Variants in ADAM22 observed in about 807,000 individuals in gnomAD.
ADAM22 encodes ADAM metallopeptidase domain 22.
Under a neutral mutation model 144.6 loss-of-function variants are expected in ADAM22, and 65 were observed. That is an observed-to-expected ratio of 0.45 (90% CI 0.37 to 0.55). ADAM22 has a LOEUF of 0.55. Ranked by LOEUF, ADAM22 falls within the 20% of genes least tolerant of loss-of-function variation. The pLI is 0.00. For missense variants in ADAM22, 974 were observed against 1,184.9 expected (o/e 0.82, Z 2.61); for synonymous variants, 391 against 412.6 (o/e 0.95, Z 0.63).
At chr7:88,145,083 G>A in intron 15 of ADAM22, 42 bp from the exon 16 acceptor site, 1 of 1,585,842 alleles carries the variant, frequency 6.3e-7, no homozygotes, top group Non-Finnish European at 8.6e-7. Flanking sequence ...CTTTGATGTT[G>A]ATTTTTCTAT....
chr7:88,023,168 T>C (rs1798196983), intron 3 of ADAM22, among the ~76,000 whole-genome samples: 1 of 152,234 alleles, frequency 6.6e-6, no homozygotes. Context: ...TTAGATGGAT[T>C]ATATTCAGAA....
Position 88,153,325 on chromosome 7 carries a change from C to G in ADAM22, c.1786C>G (p.Arg596Gly). The G allele has an allele frequency of 6.2e-7, 1 of 1,610,724 alleles. No individual in the cohort carries two copies. Among genetic ancestry groups the G allele is most frequent in the Non-Finnish European group, 8.5e-7 (1 of 1,177,994 alleles). ...DKDTWIQCNK[R>G]DVLCGYLLCT... Reference sequence around the variant, plus strand: ...AGACACATGGATACAGTGCAACAAACGGTGAGGTGGAGACGTCAGCCCAGA... The same window carrying G: ...AGACACATGGATACAGTGCAACAAAGGGTGAGGTGGAGACGTCAGCCCAGA... Residue 596 changes from arginine (R) to glycine (G), a missense_variant and splice_region_variant, in exon 21 of 32, where the codon CGG becomes GGG. This residue lies in a region of ADAM22 where 734 missense variants were observed against 950.6 expected (regional missense o/e 0.77). Transcript: ENST00000413139.
intron 15 of ADAM22, among the ~76,000 whole-genome samples, chr7:88,144,023 A>C (rs891708680): frequency 1.3e-5 from 2 of 152,234 alleles, no homozygotes; most frequent in Non-Finnish European, 2.9e-5. Flanking sequence ...TATCATTTGG[A>C]TAAGTTTCCA....
chr7:88,146,877 T>G lies in ADAM22; in HGVS notation c.1485+1370T>G, dbSNP rs558964741. ...ACGAGCAGGCACTGGCAGAGATCTC[T>G]GAAAGCACTCTGTTAAAAAGAAGAT... On this transcript the variant is annotated intron_variant, in intron 17 of 31. Transcript: ENST00000413139. Among the ~76,000 whole-genome samples the G allele has an allele frequency of 1.6e-4, 25 of 152,308 alleles. 1 individual carries two copies. The highest frequency in any genetic ancestry group is 1.3e-3 in the Admixed American group (20 of 15,298).
At chr7:88,056,049 A>G (rs528658036) in intron 3 of ADAM22, among the ~76,000 whole-genome samples, 10 of 152,224 alleles carry the variant, frequency 6.6e-5, no homozygotes, top group Non-Finnish European at 1.5e-4. Flanking sequence ...TTTGGGAAAT[A>G]TTCTGTTAGT....
intron 3 of ADAM22, among the ~76,000 whole-genome samples, chr7:88,044,367 A>G (rs955617890): frequency 6.6e-6 from 1 of 152,202 alleles, no homozygotes; most frequent in Non-Finnish European, 1.5e-5. Context: ...CATAATGATA[A>G]CATGCAGATG....
intron 3 of ADAM22, among the ~76,000 whole-genome samples, chr7:87,999,799 G>A (rs761487452): frequency 1.3e-5 from 2 of 151,770 alleles, no homozygotes; most frequent in East Asian, 1.9e-4. Context: ...TTTTATCCTT[G>A]GATAAATTCT....
intron 7 of ADAM22, among the ~76,000 whole-genome samples, chr7:88,118,473 A>C (rs13245213): frequency 0.56 from 85,642 of 151,744 alleles, 25,195 homozygotes; most frequent in East Asian, 0.9. Flanking sequence ...AAACTTTTTA[A>C]AATCCCTATT....
chr7:88,113,246 T>G (rs950633944), intron 5 of ADAM22, among the ~76,000 whole-genome samples: 1 of 151,532 alleles, frequency 6.6e-6, no homozygotes, highest in Non-Finnish European at 1.5e-5. Flanking sequence ...CACTAACTCT[T>G]CTCTGTTTTA....
intron 22 of ADAM22, among the ~76,000 whole-genome samples, chr7:88,160,735 A>G (rs1049425935): frequency 6.6e-6 from 1 of 152,170 alleles, no homozygotes; most frequent in African/African-American, 2.4e-5. Context: ...TCAATGATAG[A>G]CTGGATTAAG....
rs561125761 is a variant in ADAM22 at position 88,048,167 on chromosome 7, A to T, written c.324-27459A>T. On this transcript the variant is annotated intron_variant, in intron 3 of 31. Coordinates refer to ENST00000413139, the MANE Select transcript of ADAM22 (RefSeq NM_001324418.2). The stretch of plus-strand genomic sequence containing the variant: ...CTACTTTTTTCACTGTTTATTTTAT[A>T]AAAATTTTTACGTTTCATAAGTAGA... Among the ~76,000 whole-genome samples, 5 of 152,266 alleles carry T rather than the reference A, an allele frequency of 3.3e-5. No individual in the cohort carries two copies. In the East Asian group the frequency reaches 9.6e-4, roughly 29 times the overall value.
At chr7:88,134,752 G>GT (rs564952385) in intron 13 of ADAM22, among the ~76,000 whole-genome samples, 81 of 152,112 alleles carry the variant, frequency 5.3e-4, no homozygotes, top group Middle Eastern at 6.8e-3. Context: ...AGACGTACTG[G>GT]TTTTTTTATG....
rs939503804 is a variant in ADAM22 at position 88,193,062 on chromosome 7, T to C, written c.2751-54T>C. The C allele has an allele frequency of 4.4e-6, 7 of 1,607,710 alleles. No homozygotes were observed. In the Admixed American group the frequency reaches 1.0e-4, roughly 23 times the overall value. ...TGTTCTGAACACACTTTTCAGATAT[T>C]TGAAAAATGTTAGGCAATCACATGA... On this transcript the variant is annotated intron_variant, in intron 30 of 31. Transcript: ENST00000413139.
At chr7:88,086,359 C>A (rs966630252) in intron 4 of ADAM22, among the ~76,000 whole-genome samples, 6 of 152,088 alleles carry the variant, frequency 3.9e-5, no homozygotes, top group Admixed American at 3.9e-4. Context: ...TGTTCCTTAA[C>A]ATAATGATTT....
In ADAM22 at chr7:88,148,994, T is replaced by G; in HGVS notation, c.1503T>G (p.Thr501=). ...CKKCKFQPMG[T]VCREAVNDCD... ...CATTTTAGTTTCAGCCTATGGGCAC[T>G]GTGTGCCGAGAAGCAGTAAATGATT... The change falls in exon 18 of 32, where the codon ACT becomes ACG. Residue 501 remains threonine (T), a synonymous_variant. Coordinates refer to ENST00000413139, the MANE Select transcript of ADAM22 (RefSeq NM_001324418.2). The G allele has an allele frequency of 6.2e-7, 1 of 1,611,936 alleles. No homozygotes were observed. Among genetic ancestry groups the G allele is most frequent in the Non-Finnish European group, 8.5e-7 (1 of 1,178,522 alleles).
Position 88,125,620 on chromosome 7 carries a change from A to C in ADAM22, c.639A>C (p.Lys213Asn). The C allele has an allele frequency of 6.3e-7, 1 of 1,594,402 alleles. No homozygotes were observed. Among genetic ancestry groups the C allele is most frequent in the Non-Finnish European group, 8.5e-7 (1 of 1,171,756 alleles). Residue 213 changes from lysine to asparagine, a missense_variant, in exon 8 of 32, where the codon AAA becomes AAC. By Grantham distance (94) the Lys-to-Asn change is moderately conservative (BLOSUM62 0). Around this residue, in one of 2 missense-constraint regions of ADAM22, gnomAD observed 734 missense variants for 950.6 expected, o/e 0.77. Coordinates refer to ENST00000413139, the MANE Select transcript of ADAM22 (RefSeq NM_001324418.2). ...AGCAAGTAAACATTACTCCATCAAA[A>C]TTTATTTTGAAGCCAAGACCAAAAA... ...EFQQVNITPS[K>N]FILKPRPKRS...
In ADAM22 at chr7:88,132,898, G is replaced by A. The variant is rs758252216; in HGVS notation, c.1024G>A (p.Ala342Thr). Reference protein sequence around the residue: ...GSQFESSRSGAAYIGGICSLL... With the variant: ...GSQFESSRSGTAYIGGICSLL... ...TCAATTTGAGAGTAGCCGGAGCGGG[G>A]CAGCTTATATTGGTGGGATTTGCTC... The change falls in exon 12 of 32, where the codon GCA (alanine) becomes ACA (threonine). Residue 342 changes from alanine (A) to threonine (T), a missense_variant. Ala to Thr is a moderately conservative substitution (Grantham distance 58). Around this residue, in one of 2 missense-constraint regions of ADAM22, gnomAD observed 734 missense variants for 950.6 expected, o/e 0.77. Coordinates refer to ENST00000413139, the MANE Select transcript of ADAM22 (RefSeq NM_001324418.2). 16 of 1,613,968 alleles carry A rather than the reference G, an allele frequency of 9.9e-6. No individual in the cohort carries two copies. Among genetic ancestry groups the A allele is most frequent in the Non-Finnish European group, 1.3e-5 (15 of 1,179,930 alleles).
chr7:87,989,830 C>T (rs551578883), intron 3 of ADAM22, among the ~76,000 whole-genome samples: 3 of 152,088 alleles, frequency 2.0e-5, no homozygotes, highest in Non-Finnish European at 2.9e-5. Flanking sequence ...GCAGGAGAAT[C>T]GCTTGAACCT....
intron 2 of ADAM22, among the ~76,000 whole-genome samples, chr7:87,946,844 A>G (rs1230021989): frequency 6.6e-6 from 1 of 152,262 alleles, no homozygotes; most frequent in African/African-American, 2.4e-5. Flanking sequence ...AAAATGTGGT[A>G]CATATATACC....
Sources: allele counts gnomAD v4.1 joint callset (sites outside exome capture counted in the v4.1 genomes callset), GRCh38; gene constraint gnomAD v4.1.1; regional missense constraint gnomAD v4.1.1; transcripts MANE v1.5; gene names NCBI Gene and HGNC (gene_info 2026-07-23, HGNC 2026-07-21).